The following CDYL variants were observed in gnomAD, a reference collection of about 807,000 sequenced individuals.
CDYL encodes the protein chromodomain Y-like protein.
Under a neutral mutation model 47.3 loss-of-function variants are expected in CDYL, and 8 were observed. That is an observed-to-expected ratio of 0.17 (90% confidence interval 0.10 to 0.31). The LOEUF (loss-of-function observed/expected upper bound fraction) is 0.31, where lower values mean the gene tolerates loss of function less well. Among genes scored for constraint, CDYL ranks in the 10% least tolerant of loss-of-function variants. CDYL has a pLI of 1.00. For synonymous variants in CDYL, 266 were observed against 265.0 expected, an observed-to-expected ratio of 1.00 and a Z score of -0.04; for missense variants, 471 against 701.4, an observed-to-expected ratio of 0.67 and a Z score of 3.71.
intron 3 of CDYL, among the ~76,000 whole-genome samples, chr6:4,768,561 C>T (rs188899661): frequency 6.6e-6 from 1 of 152,198 alleles, no homozygotes; most frequent in Admixed American, 6.5e-5. Flanking sequence ...TAAAATAATC[C>T]ATGAGTCTCA....
chr6:4,838,756 AG>A (rs1355179986), intron 1 of CDYL, among the ~76,000 whole-genome samples: 1 of 151,594 alleles, frequency 6.6e-6, no homozygotes, highest in African/African-American at 2.4e-5. Context: ...GTGCCATCTC[AG>A]CTCAATGCAG....
chr6:4,907,742 A>G (rs1319051385), intron 2 of CDYL, among the ~76,000 whole-genome samples: 2 of 152,198 alleles, frequency 1.3e-5, no homozygotes, highest in African/African-American at 2.4e-5. Flanking sequence ...AAATTACTAT[A>G]TAGTTTTTGT....
intron 1 of CDYL, among the ~76,000 whole-genome samples, chr6:4,861,389 G>A (rs1053489197): frequency 6.6e-6 from 1 of 152,190 alleles, no homozygotes; most frequent in African/African-American, 2.4e-5. Context: ...CTGCCCCTAA[G>A]TGGCTTTTGT....
At chr6:4,895,450 TATATAC>T (rs1259158611) in intron 2 of CDYL, among the ~76,000 whole-genome samples, 1,765 of 8,326 alleles carry the variant, frequency 0.21, 800 homozygotes, top group Admixed American at 0.37. Context: ...TATATATGCA[TATATAC>T]ATGTATACAT....
chr6:4,816,064 A>G (rs973962199), intron 1 of CDYL, among the ~76,000 whole-genome samples: 2 of 151,704 alleles, frequency 1.3e-5, no homozygotes, highest in African/African-American at 4.8e-5. Context: ...TCCACGTGAA[A>G]TAACCAGTTG....
intron 3 of CDYL, among the ~76,000 whole-genome samples, chr6:4,744,324 C>T (rs1376569289): frequency 1.3e-5 from 2 of 152,206 alleles, no homozygotes; most frequent in African/African-American, 2.4e-5. Context: ...AAAACCCTGT[C>T]CCTACAAAAA....
chr6:4,861,086 C>G (rs909898151), intron 1 of CDYL, among the ~76,000 whole-genome samples: 1 of 152,192 alleles, frequency 6.6e-6, no homozygotes, highest in Non-Finnish European at 1.5e-5. Flanking sequence ...TCATTAACGG[C>G]AGTTACTTAT....
At chr6:4,761,039 T>C (rs1758167340) in intron 3 of CDYL, among the ~76,000 whole-genome samples, 1 of 152,186 alleles carries the variant, frequency 6.6e-6, no homozygotes, top group South Asian at 2.1e-4. Flanking sequence ...TTTCCAACTA[T>C]GTTATAATAT....
chr6:4,725,160 A>C (rs1442157825), intron 2 of CDYL, among the ~76,000 whole-genome samples: 1 of 152,218 alleles, frequency 6.6e-6, no homozygotes, highest in African/African-American at 2.4e-5. Context: ...GTGTGTTTAC[A>C]AACCTTGAGC....
At chr6:4,756,305 G>T (rs1758073298) in intron 3 of CDYL, among the ~76,000 whole-genome samples, 1 of 152,082 alleles carries the variant, frequency 6.6e-6, no homozygotes. Flanking sequence ...TCCAATAGCT[G>T]ATAAAATTCA....
intron 1 of CDYL, among the ~76,000 whole-genome samples, chr6:4,795,153 TA>T (rs144456009): frequency 0.012 from 1,740 of 148,844 alleles, 24 homozygotes; most frequent in African/African-American, 0.04. Flanking sequence ...TGCTCTTTTT[TA>T]AAAAAAAAAA....
intron 2 of CDYL, among the ~76,000 whole-genome samples, chr6:4,895,608 G>C (rs985685703): frequency 6.6e-6 from 1 of 151,230 alleles, no homozygotes; most frequent in Non-Finnish European, 1.5e-5. Context: ...TCAAAACTTC[G>C]AGCCAACAAG....
intron 3 of CDYL, among the ~76,000 whole-genome samples, chr6:4,937,144 C>T (rs1758219837): frequency 6.6e-6 from 1 of 152,144 alleles, no homozygotes; most frequent in African/African-American, 2.4e-5. Flanking sequence ...ATCACTTGAG[C>T]CCAGGAGTTC....
chr6:4,846,183 TAAA>T (rs75102410), intron 1 of CDYL, among the ~76,000 whole-genome samples: 2 of 135,518 alleles, frequency 1.5e-5, no homozygotes, highest in Admixed American at 7.4e-5. Flanking sequence ...ACTGCCTTCT[TAAA>T]AAAAAAAAAA....
intron 1 of CDYL, among the ~76,000 whole-genome samples, chr6:4,879,055 C>T (rs185092361): frequency 6.6e-5 from 10 of 152,222 alleles, no homozygotes; most frequent in African/African-American, 2.4e-4. Flanking sequence ...AGAACATAAC[C>T]TGTAAGATAT....
chr6:4,800,609 T>TTA (rs760581240), intron 1 of CDYL, among the ~76,000 whole-genome samples: 1 of 152,218 alleles, frequency 6.6e-6, no homozygotes, highest in Non-Finnish European at 1.5e-5. Flanking sequence ...GCATTTCTTG[T>TTA]TATAGATCTA....
intron 1 of CDYL, among the ~76,000 whole-genome samples, chr6:4,873,228 C>CT (rs1380730779): frequency 1.3e-5 from 2 of 151,986 alleles, no homozygotes; most frequent in African/African-American, 4.8e-5. Context: ...CATGGCTTAA[C>CT]TTTTTTTTCA....
intron 5 of CDYL, among the ~76,000 whole-genome samples, chr6:4,945,521 A>G (rs1031016505): frequency 1.3e-5 from 2 of 152,120 alleles, no homozygotes; most frequent in African/African-American, 4.8e-5. Context: ...ACTCACCCCC[A>G]AGGGATCTGT....
chr6:4,834,002 A>G (rs889721684), intron 1 of CDYL, among the ~76,000 whole-genome samples: 6 of 151,262 alleles, frequency 4.0e-5, no homozygotes, highest in Admixed American at 1.3e-4. Context: ...AATACAACAC[A>G]CTGATGGGTC....
Sources: gnomAD v4.1 joint callset for allele counts (sites outside exome capture counted in the v4.1 genomes callset) on GRCh38, gnomAD v4.1.1 for gene constraint, MANE v1.5 for transcripts, NCBI Gene and HGNC (gene_info 2026-07-23, HGNC 2026-07-21) for gene names.